ARHGAP26: variants seen among roughly 807,000 people sequenced by gnomAD.
ARHGAP26 encodes Rho GTPase activating protein 26.
Under a neutral mutation model 104.8 loss-of-function variants are expected in ARHGAP26, and 38 were observed. The ratio of observed to expected loss-of-function variants is 0.36; its 90% confidence interval spans 0.28 to 0.48. ARHGAP26 has a LOEUF of 0.48. ARHGAP26 is among the 20% of genes least tolerant of loss of function. ARHGAP26 has a pLI of 0.99. For missense variants in ARHGAP26, 704 were observed against 947.9 expected (o/e 0.74, Z 3.38); for synonymous variants, 341 against 340.0 (o/e 1.00, Z -0.03).
At chr5:143,041,477 A>G (rs549652485) in intron 13 of ARHGAP26, 3 of 185,216 alleles carry the variant, frequency 1.6e-5, no homozygotes, top group Non-Finnish European at 2.5e-5. Context: ...AATTTTAAAA[A>G]TTGGTTAAAT....
At chr5:143,118,292 C>A (rs139422261) in intron 17 of ARHGAP26, among the ~76,000 whole-genome samples, 2 of 152,134 alleles carry the variant, frequency 1.3e-5, no homozygotes, top group Non-Finnish European at 2.9e-5. Flanking sequence ...ATCTGTACAA[C>A]ATTCACATGA....
At chr5:142,815,191 T>C (rs1393437472) in intron 1 of ARHGAP26, among the ~76,000 whole-genome samples, 1 of 151,912 alleles carries the variant, frequency 6.6e-6, no homozygotes, top group Non-Finnish European at 1.5e-5. Context: ...AGTAGAGATA[T>C]GGTTTCACCA....
intron 1 of ARHGAP26, among the ~76,000 whole-genome samples, chr5:142,823,538 ACT>A (rs1766621520): frequency 6.7e-6 from 1 of 150,216 alleles, no homozygotes; most frequent in Non-Finnish European, 1.5e-5. Flanking sequence ...TTTGGAACAA[ACT>A]CTGTTACTCT....
At position 142,807,021 on chromosome 5, in the gene ARHGAP26, T is replaced by C. The variant is rs1382945277; in HGVS notation, c.154+36106T>C. Among the ~76,000 whole-genome samples, 5 of 152,176 alleles carry C rather than the reference T, an allele frequency of 3.3e-5. No homozygotes were observed. In the East Asian group the frequency reaches 9.6e-4, roughly 29 times the overall value. On this transcript the variant is annotated intron_variant, in intron 1 of 22. Transcript: ENST00000645722. ...TGCTATACTGTGCCCGTCCTCAAGGTTGGGGCTAGGGAGAGGGATTTTTCT... is the reference window on the plus strand; with the variant it reads ...TGCTATACTGTGCCCGTCCTCAAGGCTGGGGCTAGGGAGAGGGATTTTTCT...
At chr5:142,861,472 A>G (rs960573753) in intron 1 of ARHGAP26, among the ~76,000 whole-genome samples, 1 of 151,378 alleles carries the variant, frequency 6.6e-6, no homozygotes, top group African/African-American at 2.4e-5. Flanking sequence ...TTCCTGTGGT[A>G]TTAGTGGCAA....
At chr5:142,907,867 A>G in intron 9 of ARHGAP26, 63 bp downstream of exon 9, 2 of 1,183,210 alleles carry the variant, frequency 1.7e-6, no homozygotes, top group Non-Finnish European at 2.5e-6. Context: ...ATTATAATGC[A>G]TGTATAAAGT....
chr5:142,804,179 A>G (rs541287052), intron 1 of ARHGAP26, among the ~76,000 whole-genome samples: 34 of 152,360 alleles, frequency 2.2e-4, no homozygotes, highest in African/African-American at 8.2e-4. Context: ...CCAGTATGTA[A>G]CAATTTTGAC....
chr5:143,210,437 C>A (rs952687279), intron 21 of ARHGAP26, among the ~76,000 whole-genome samples: 7 of 152,130 alleles, frequency 4.6e-5, no homozygotes, highest in African/African-American at 1.7e-4. Context: ...CAGGTGGGGA[C>A]ACAGAGCCAA....
At chr5:143,178,898 C>T (rs77946854) in intron 20 of ARHGAP26, among the ~76,000 whole-genome samples, 8,420 of 151,512 alleles carry the variant, frequency 0.056, 322 homozygotes, top group Non-Finnish European at 0.082. Flanking sequence ...TCCAAGGAGT[C>T]TCACTCTATC....
chr5:142,915,562 G>A (rs1238191455), intron 10 of ARHGAP26: 1 of 152,110 alleles, frequency 6.6e-6, no homozygotes, highest in Non-Finnish European at 1.5e-5. Context: ...ATTTCACCGT[G>A]TTGGCTAGGC....
chr5:142,986,474 T>C (rs552101629), intron 11 of ARHGAP26, among the ~76,000 whole-genome samples: 10 of 152,372 alleles, frequency 6.6e-5, no homozygotes, highest in South Asian at 2.1e-4. Flanking sequence ...CTCACTCTTA[T>C]GATAGTTCTC....
intron 20 of ARHGAP26, among the ~76,000 whole-genome samples, chr5:143,198,694 G>T (rs1214017641): frequency 3.3e-5 from 5 of 152,192 alleles, no homozygotes; most frequent in African/African-American, 9.7e-5. Flanking sequence ...TAAGGATGAT[G>T]TATGCGCTAT....
chr5:143,223,391 C>T lies in ARHGAP26; in HGVS notation c.*945C>T, dbSNP rs1379167709. On this transcript the variant is annotated 3_prime_UTR_variant, in exon 23 of 23. Transcript: ENST00000645722. Reference sequence around the variant, plus strand: ...GCATCGGAATATATTTGGAGCACACCCTAGTAACCTCTTGAGATTAAATTA... The same window carrying T: ...GCATCGGAATATATTTGGAGCACACTCTAGTAACCTCTTGAGATTAAATTA... The T allele has an allele frequency of 4.3e-6, 1 of 232,336 alleles. No homozygotes were observed. The highest frequency in any genetic ancestry group is 8.5e-6 in the Non-Finnish European group (1 of 117,320). 14.4% of individuals were successfully genotyped at this position (232,336 alleles called of 1,614,324 possible).
chr5:142,814,407 T>C (rs971239971), intron 1 of ARHGAP26, among the ~76,000 whole-genome samples: 1 of 152,240 alleles, frequency 6.6e-6, no homozygotes, highest in African/African-American at 2.4e-5. Flanking sequence ...TCTCAGGATA[T>C]TAAGTATTGC....
At chr5:142,890,306 A>T (rs951587924) in intron 5 of ARHGAP26, among the ~76,000 whole-genome samples, 2 of 150,234 alleles carry the variant, frequency 1.3e-5, no homozygotes, top group African/African-American at 4.9e-5. Flanking sequence ...CTAGGAGAAG[A>T]GGTTTTTGGG....
intron 10 of ARHGAP26, among the ~76,000 whole-genome samples, chr5:142,931,316 C>T (rs1034210105): frequency 2.6e-5 from 4 of 152,104 alleles, no homozygotes; most frequent in Non-Finnish European, 5.9e-5. Context: ...GTTTTTATGG[C>T]GCAGTCTCTT....
At chr5:142,810,815 A>C (rs1365178625) in intron 1 of ARHGAP26, among the ~76,000 whole-genome samples, 1 of 152,260 alleles carries the variant, frequency 6.6e-6, no homozygotes, top group Non-Finnish European at 1.5e-5. Flanking sequence ...AATTCGCCCA[A>C]AATAGTAAGT....
At chr5:143,035,927 C>A (rs1162291238) in intron 12 of ARHGAP26, among the ~76,000 whole-genome samples, 39 of 123,618 alleles carry the variant, frequency 3.2e-4, no homozygotes, top group Non-Finnish European at 6.0e-4. Context: ...CAGAGTAAGA[C>A]CTTGTCTCAA....
At chr5:142,771,187 G>C (rs1373795699) in intron 1 of ARHGAP26, 2 of 1,285,658 alleles carry the variant, frequency 1.6e-6, no homozygotes, top group East Asian at 3.1e-5. Context: ...GCGGGTGGGC[G>C]TGGGCGTGCG....
Sources: allele counts gnomAD v4.1 joint callset (sites outside exome capture counted in the v4.1 genomes callset), GRCh38; gene constraint gnomAD v4.1.1; transcripts MANE v1.5; gene names NCBI Gene and HGNC (gene_info 2026-07-23, HGNC 2026-07-21).